GAL3ST1: variants seen among roughly 807,000 people sequenced by gnomAD.
The protein encoded by GAL3ST1 is galactosylceramide sulfotransferase.
In GAL3ST1, 13 loss-of-function variants were observed where a neutral mutation model predicts 25.0. The observed-to-expected ratio is 0.52, with a 90% CI of 0.34 to 0.83. The LOEUF (loss-of-function observed/expected upper bound fraction) is 0.83. GAL3ST1 is among the 40% of genes least tolerant of loss of function. The pLI, the probability that GAL3ST1 is intolerant of heterozygous loss-of-function variation, is 0.02. For missense variants in GAL3ST1, 474 were observed against 613.6 expected (o/e 0.77, Z 2.40); for synonymous variants, 274 against 277.8 (o/e 0.99, Z 0.14).
chr22:30,560,099 C>T (rs577167604), intron 1 of GAL3ST1, among the ~76,000 whole-genome samples: 1 of 152,248 alleles, frequency 6.6e-6, no homozygotes, highest in African/African-American at 2.4e-5. Context: ...GCCAAGGTCG[C>T]ACCACTGCAC....
At chr22:30,566,948 A>T (rs1256441310) in intron 1 of GAL3ST1, among the ~76,000 whole-genome samples, 2 of 151,120 alleles carry the variant, frequency 1.3e-5, no homozygotes, top group African/African-American at 4.9e-5. Context: ...CACCCCCAGG[A>T]AATTTTTATT....
At chr22:30,569,214 T>C (rs868001083) in intron 1 of GAL3ST1, among the ~76,000 whole-genome samples, 6 of 151,662 alleles carry the variant, frequency 4.0e-5, no homozygotes, top group African/African-American at 9.7e-5. Context: ...GGGATTCCCA[T>C]TGGGCTACTG....
At chr22:30,560,376 G>A (rs1256710599) in intron 1 of GAL3ST1, 1 of 152,164 alleles carries the variant, frequency 6.6e-6, no homozygotes, top group Non-Finnish European at 1.5e-5. Flanking sequence ...TCTGTAAAAT[G>A]AGAAAGCTGG....
rs2146353772 is a variant in GAL3ST1 at position 30,558,304 on chromosome 22, T to G, written c.-35A>C. ...CTGTAGTCCTAGTTACTTGGAAGGC[T>G]GAGGCGGGAGGATTGCTTGAGCCTG... On this transcript the variant is annotated 5_prime_UTR_variant, in exon 2 of 4. Transcript: ENST00000406361. 6.6e-6 allele frequency: 1 copy of G among 152,286 alleles called. No homozygotes were observed. The highest frequency in any genetic ancestry group is 2.0e-4 in the East Asian group (1 of 5,128). The allele number at this position is 152,286 out of a possible 1,614,324, so 9.4% of individuals were successfully genotyped here.
rs66507126 is a variant in GAL3ST1 at position 30,569,075 on chromosome 22, CAAAAAAAA to C, written c.-120+5383_-120+5390del. 4.6e-5 allele frequency among the ~76,000 whole-genome samples: 4 copies of C among 86,182 alleles called. No homozygotes were observed. The South Asian group carries it at 1.3e-3, about 27-fold the overall frequency. 56.5% of individuals were successfully genotyped at this position (86,182 alleles called of 152,430 possible). On this transcript the variant is annotated intron_variant, in intron 1 of 3. Coordinates refer to ENST00000406361, the MANE Select transcript of GAL3ST1 (RefSeq NM_001318104.2). ...TGGGCAACAGAGCGAGACTCCATCT[CAAAAAAAA>C]AAAAAAAAAAAAAGAGGGACATGCA...
At chr22:30,571,472 A>G (rs1319413303) in intron 1 of GAL3ST1, among the ~76,000 whole-genome samples, 2 of 152,156 alleles carry the variant, frequency 1.3e-5, no homozygotes, top group Non-Finnish European at 2.9e-5. Flanking sequence ...GGGTGGATGC[A>G]GGTGGTAGCT....
chr22:30,557,503 T>G, intron 2 of GAL3ST1, 102 bp from the exon 3 acceptor site: 2 of 1,316,292 alleles, frequency 1.5e-6, no homozygotes, highest in Non-Finnish European at 2.1e-6. Context: ...TTGCCTGCTC[T>G]GTGGCCCCCC....
intron 1 of GAL3ST1, among the ~76,000 whole-genome samples, chr22:30,565,514 C>T (rs992522389): frequency 6.6e-6 from 1 of 152,174 alleles, no homozygotes; most frequent in Non-Finnish European, 1.5e-5. Context: ...CTAACTCAGC[C>T]TGGAAGGCTT....
In GAL3ST1 at chr22:30,555,931, G is replaced by A. The variant is rs759781597; in HGVS notation, c.294C>T (p.Phe98=). 4 of 1,614,158 alleles carry A rather than the reference G, an allele frequency of 2.5e-6. No individual in the cohort carries two copies. In the South Asian group the frequency reaches 4.4e-5, roughly 18 times the overall value. ...CGAACTTGAGCCGGTGCTTCTGGCC[G>A]AAGCGGAACAGGATGTTGAGCAGGG... ...SSTLLNILFR[F]GQKHRLKFAF... Residue 98 remains phenylalanine, a synonymous_variant, in exon 4 of 4, where the codon TTC becomes TTT. Transcript: ENST00000406361. This position sits in a 1 kb window ranked among gnomAD's most constrained non-coding sequence, Gnocchi z 8.6.
At position 30,555,163 on chromosome 22, in the gene GAL3ST1, G is replaced by A. The variant is rs1451658576; in HGVS notation, c.1062C>T (p.Ala354=). Residue 354 remains alanine, a synonymous_variant, in exon 4 of 4, where the codon GCC becomes GCT. Coordinates refer to ENST00000406361, the MANE Select transcript of GAL3ST1 (RefSeq NM_001318104.2). The surrounding 1 kb of genome is among the most constrained non-coding windows in gnomAD (Gnocchi z 8.6). ...GCATGGCCTCGTCCTGGATGGCGGC[G>A]GCGTCCACGGCGTGGCCCCCGTCGA... The part of the protein sequence containing the change: ...ICIDGGHAVD[A]AAIQDEAMQP... The A allele has an allele frequency of 1.2e-6, 2 of 1,604,012 alleles. No homozygotes were observed. Among genetic ancestry groups the A allele is most frequent in the Non-Finnish European group, 1.7e-6 (2 of 1,177,046 alleles).
intron 1 of GAL3ST1, among the ~76,000 whole-genome samples, chr22:30,570,870 C>T (rs1287024472): frequency 6.6e-6 from 1 of 151,660 alleles, no homozygotes; most frequent in Non-Finnish European, 1.5e-5. Context: ...AAAAGTTGTA[C>T]ATTCGTACAT....
chr22:30,568,897 G>A (rs1268152261), intron 1 of GAL3ST1, among the ~76,000 whole-genome samples: 2 of 152,036 alleles, frequency 1.3e-5, no homozygotes, highest in Non-Finnish European at 2.9e-5. Flanking sequence ...CCAACATGGT[G>A]AAACCCCGTC....
chr22:30,562,236 G>T (rs4149487), intron 1 of GAL3ST1, among the ~76,000 whole-genome samples: 1 of 152,036 alleles, frequency 6.6e-6, no homozygotes, highest in Non-Finnish European at 1.5e-5. Flanking sequence ...AAAAAATTTT[G>T]TAGAGATGGG....
intron 1 of GAL3ST1, among the ~76,000 whole-genome samples, chr22:30,569,030 C>G (rs189735301): frequency 6.8e-6 from 1 of 146,018 alleles, no homozygotes; most frequent in African/African-American, 2.6e-5. Context: ...GAGCAGAGAT[C>G]GCGCCACTGC....
At chr22:30,562,932 T>C (rs1236976533) in intron 1 of GAL3ST1, among the ~76,000 whole-genome samples, 21 of 152,032 alleles carry the variant, frequency 1.4e-4, no homozygotes, top group Admixed American at 1.4e-3. Flanking sequence ...CTGGCCAACA[T>C]GCTGAAACAC....
In GAL3ST1 at chr22:30,555,640, C is replaced by T. The variant is rs767780873; in HGVS notation, c.585G>A (p.Glu195=). ...AGTAGCGATCCGGGTCTTGCAGGAA[C>T]TCGGTCAGCTTGTCGCCGGCCGAGA... ...WKLSAGDKLT[E]FLQDPDRYYD... Residue 195 remains glutamate, a synonymous_variant, in exon 4 of 4, where the codon GAG becomes GAA. Transcript: ENST00000406361. This position sits in a 1 kb window ranked among gnomAD's most constrained non-coding sequence, Gnocchi z 8.6. 1.2e-6 allele frequency: 2 copies of T among 1,613,702 alleles called. No homozygotes were observed. Among genetic ancestry groups the T allele is most frequent in the Non-Finnish European group, 1.7e-6 (2 of 1,180,040 alleles).
intron 1 of GAL3ST1, among the ~76,000 whole-genome samples, chr22:30,559,293 T>G (rs2086232831): frequency 6.6e-6 from 1 of 152,166 alleles, no homozygotes; most frequent in African/African-American, 2.4e-5. Context: ...CAGGCTGGAG[T>G]GCTGTGGCGC....
chr22:30,560,336 C>G (rs1178812823), intron 1 of GAL3ST1: 2 of 152,100 alleles, frequency 1.3e-5, no homozygotes, highest in Non-Finnish European at 2.9e-5. Flanking sequence ...TCAGACAAGC[C>G]AAGAACCCTC....
At chr22:30,562,841 C>T (rs1195468779) in intron 1 of GAL3ST1, among the ~76,000 whole-genome samples, 1 of 152,174 alleles carries the variant, frequency 6.6e-6, no homozygotes, top group Non-Finnish European at 1.5e-5. Context: ...GTAAAAGCTC[C>T]CATGGGCCAG....
Sources: gnomAD v4.1 joint callset for allele counts (sites outside exome capture counted in the v4.1 genomes callset) on GRCh38, gnomAD v4.1.1 for gene constraint, Gnocchi (gnomAD v3.1) non-coding constraint, MANE v1.5 for transcripts, NCBI Gene and HGNC (gene_info 2026-07-23, HGNC 2026-07-21) for gene names.